Variants in RBFOX1 observed in about 807,000 individuals in gnomAD.
RBFOX1 encodes the protein RNA binding fox-1 homolog 1, also known as RNA binding protein fox-1 homolog 1.
RBFOX1 carries 8 observed loss-of-function variants against 57.7 expected under a neutral mutation model. That is an observed-to-expected ratio of 0.14 (90% CI 0.08 to 0.25). The LOEUF (loss-of-function observed/expected upper bound fraction) is 0.25, where lower values mean the gene tolerates loss of function less well. Among genes scored for constraint, RBFOX1 ranks in the 10% least tolerant of loss-of-function variants. RBFOX1 has a pLI of 1.00. For synonymous variants in RBFOX1, 326 were observed against 222.4 expected, an observed-to-expected ratio of 1.47 and a Z score of -4.15; for missense variants, 611 against 548.5, an observed-to-expected ratio of 1.11 and a Z score of -1.14.
intron 1 of RBFOX1, among the ~76,000 whole-genome samples, chr16:6,198,929 T>C (rs2097198053): frequency 6.6e-6 from 1 of 152,056 alleles, no homozygotes; most frequent in African/African-American, 2.4e-5. Context: ...CTTTTTACAT[T>C]ATCATTATGT....
chr16:6,660,302 C>A (rs978415880), intron 3 of RBFOX1, among the ~76,000 whole-genome samples: 3 of 151,626 alleles, frequency 2.0e-5, no homozygotes, highest in African/African-American at 7.3e-5. Context: ...GGGCTTAATA[C>A]CTTGGTGATG....
In RBFOX1 at chr16:6,222,684, T is replaced by TTTATTATTATTATTA. The variant is rs57108959; in HGVS notation, c.-126-94291_-126-94277dup. The stretch of plus-strand genomic sequence containing the variant: ...GTAGAATGTAAGAATTTTCTTTTCT[T>TTTATTATTATTATTA]TTATTATTATTATTATTATTATTAT... On this transcript the variant is annotated intron_variant, in intron 1 of 15. Coordinates refer to ENST00000550418, the MANE Select transcript of RBFOX1 (RefSeq NM_018723.4). Among the ~76,000 whole-genome samples, 231 of 141,310 alleles carry TTTATTATTATTATTA rather than the reference T, an allele frequency of 1.6e-3. 4 individuals carry two copies. Among genetic ancestry groups the TTTATTATTATTATTA allele is most frequent in the African/African-American group, 3.7e-3 (144 of 38,616 alleles). 92.7% of individuals were successfully genotyped at this position (141,310 alleles called of 152,430 possible). A position where few individuals can be genotyped will look rare whatever the true frequency, so the allele number is the denominator to read the frequency against.
At chr16:7,120,868 CAT>C (rs2067022719) in intron 4 of RBFOX1, among the ~76,000 whole-genome samples, 1 of 148,814 alleles carries the variant, frequency 6.7e-6, no homozygotes, top group Non-Finnish European at 1.5e-5. Context: ...CATACGTAAA[CAT>C]ATATCATGGA....
intron 3 of RBFOX1, among the ~76,000 whole-genome samples, chr16:6,790,517 A>C (rs964174039): frequency 1.3e-5 from 2 of 152,022 alleles, no homozygotes; most frequent in African/African-American, 2.4e-5. Flanking sequence ...TGTTTGCATC[A>C]TAGTTTGCAA....
At chr16:6,975,443 T>G (rs1043287459) in intron 3 of RBFOX1, among the ~76,000 whole-genome samples, 4 of 152,018 alleles carry the variant, frequency 2.6e-5, no homozygotes, top group African/African-American at 9.7e-5. Flanking sequence ...TTTCTGTATT[T>G]TTTAGTGGAG....
chr16:7,269,016 G>A (rs934978088), intron 4 of RBFOX1, among the ~76,000 whole-genome samples: 3 of 124,730 alleles, frequency 2.4e-5, no homozygotes, highest in African/African-American at 8.9e-5. Flanking sequence ...CAGCTTGGGC[G>A]ACAGAGTGAG....
intron 5 of RBFOX1, among the ~76,000 whole-genome samples, chr16:7,579,122 G>C (rs34876919): frequency 3.9e-5 from 6 of 152,024 alleles, no homozygotes; most frequent in Admixed American, 2.0e-4. Context: ...TAAATATCTT[G>C]TTTTAATTCA....
chr16:5,613,198 A>T (rs929976131), intron 3 of RBFOX1, among the ~76,000 whole-genome samples: 1 of 152,140 alleles, frequency 6.6e-6, no homozygotes, highest in African/African-American at 2.4e-5. Flanking sequence ...GACATGGACA[A>T]ATCTTCCTTC....
intron 5 of RBFOX1, among the ~76,000 whole-genome samples, chr16:7,539,824 A>G (rs2082437988): frequency 6.6e-6 from 1 of 152,216 alleles, no homozygotes; most frequent in African/African-American, 2.4e-5. Context: ...TCAGAATGGT[A>G]AGAATATAGC....
chr16:6,025,986 G>A (rs1053686846), intron 1 of RBFOX1, among the ~76,000 whole-genome samples: 22 of 152,184 alleles, frequency 1.4e-4, no homozygotes, highest in South Asian at 2.1e-4. Context: ...ATGGCTGTGT[G>A]TTGTGCTATG....
chr16:6,299,924 T>C (rs2078612039), intron 1 of RBFOX1, among the ~76,000 whole-genome samples: 1 of 152,178 alleles, frequency 6.6e-6, no homozygotes, highest in Non-Finnish European at 1.5e-5. Context: ...ACAAACCTGC[T>C]TGTGTGCCCC....
intron 2 of RBFOX1, among the ~76,000 whole-genome samples, chr16:5,517,217 T>C (rs1265876224): frequency 6.6e-6 from 1 of 152,162 alleles, no homozygotes; most frequent in Non-Finnish European, 1.5e-5. Context: ...GATTGGTGTA[T>C]CTCACAGCAG....
chr16:5,790,316 G>A (rs1307908004), intron 3 of RBFOX1, among the ~76,000 whole-genome samples: 1 of 152,182 alleles, frequency 6.6e-6, no homozygotes, highest in Non-Finnish European at 1.5e-5. Context: ...ACGTATATGG[G>A]AAAGGCTTGC....
At chr16:7,527,725 A>G (rs1033266407) in intron 5 of RBFOX1, among the ~76,000 whole-genome samples, 3 of 152,138 alleles carry the variant, frequency 2.0e-5, no homozygotes, top group Non-Finnish European at 2.9e-5. Context: ...AGTAATGTCT[A>G]TGAAGGTCTT....
intron 2 of RBFOX1, among the ~76,000 whole-genome samples, chr16:5,547,343 A>G (rs2045252438): frequency 6.6e-6 from 1 of 152,236 alleles, no homozygotes; most frequent in Non-Finnish European, 1.5e-5. Flanking sequence ...GCCAAAAACT[A>G]GAAACCACCC....
intron 2 of RBFOX1, among the ~76,000 whole-genome samples, chr16:6,431,297 T>C (rs2094075953): frequency 6.6e-6 from 1 of 150,866 alleles, no homozygotes; most frequent in Admixed American, 6.6e-5. Flanking sequence ...GTGCAAAGAG[T>C]CAAGAAGGAT....
At chr16:6,056,746 A>T (rs879929987) in intron 1 of RBFOX1, among the ~76,000 whole-genome samples, 10 of 152,150 alleles carry the variant, frequency 6.6e-5, no homozygotes, top group Non-Finnish European at 1.3e-4. Flanking sequence ...GGAGAGGTAC[A>T]TTATGAAATC....
At chr16:5,899,620 C>T (rs914520932) in intron 4 of RBFOX1, among the ~76,000 whole-genome samples, 13 of 152,116 alleles carry the variant, frequency 8.5e-5, no homozygotes, top group South Asian at 2.1e-4. Context: ...ATTCTGATGT[C>T]GGGTACCTGA....
intron 1 of RBFOX1, among the ~76,000 whole-genome samples, chr16:6,175,191 C>T (rs1203193675): frequency 6.6e-6 from 1 of 151,990 alleles, no homozygotes; most frequent in Non-Finnish European, 1.5e-5. Context: ...AAGCAAATAG[C>T]AAAGCAATAG....
Sources: allele counts gnomAD v4.1 joint callset (sites outside exome capture counted in the v4.1 genomes callset), GRCh38; gene constraint gnomAD v4.1.1; transcripts MANE v1.5; gene names NCBI Gene and HGNC (gene_info 2026-07-23, HGNC 2026-07-21).